The following NECTIN1 variants were observed in gnomAD, a reference collection of about 807,000 sequenced individuals.
NECTIN1 encodes nectin cell adhesion molecule 1.
In NECTIN1, 23 loss-of-function variants were observed where a neutral mutation model predicts 48.0. The ratio of observed to expected loss-of-function variants is 0.48; its 90% CI spans 0.34 to 0.68. The LOEUF is 0.68. Ranked by LOEUF, NECTIN1 falls within the 30% of genes least tolerant of loss-of-function variation. NECTIN1 has a pLI of 0.01. For missense variants in NECTIN1, 591 were observed against 709.9 expected (o/e 0.83, Z 1.90); for synonymous variants, 270 against 288.9 (o/e 0.93, Z 0.66).
At chr11:119,674,029 T>C (rs1008716662) in intron 5 of NECTIN1, among the ~76,000 whole-genome samples, 29 of 152,192 alleles carry the variant, frequency 1.9e-4, no homozygotes, top group Non-Finnish European at 4.4e-5. Context: ...CCTGGACAAC[T>C]TCACGTGGCT....
intron 1 of NECTIN1, chr11:119,713,079 A>T (rs1157897104): frequency 6.6e-6 from 1 of 152,256 alleles, no homozygotes; most frequent in Non-Finnish European, 1.5e-5. Flanking sequence ...CTGGGTGGCC[A>T]TGGGGGCCTG....
chr11:119,726,635 A>G (rs543493842), intron 1 of NECTIN1, among the ~76,000 whole-genome samples: 25 of 152,282 alleles, frequency 1.6e-4, no homozygotes, highest in East Asian at 1.4e-3. Context: ...CTAGCCCCCA[A>G]TGAAGGAATT....
intron 5 of NECTIN1, among the ~76,000 whole-genome samples, chr11:119,647,656 G>A (rs983489574): frequency 3.9e-5 from 6 of 152,054 alleles, no homozygotes; most frequent in Non-Finnish European, 5.9e-5. Context: ...AGGGGGTGGC[G>A]GGGGGAAGCA....
In NECTIN1 at chr11:119,670,380, C is replaced by G. The variant is rs138860322; in HGVS notation, c.1003+4779G>C. On this transcript the variant is annotated intron_variant, in intron 5 of 5. Transcript: ENST00000264025. ...ATGGATTTATACCAAGCACCTAGAC[C>G]GCTTGTCATGTGGTCAATGTTCAAG... 5.4e-3 allele frequency among the ~76,000 whole-genome samples: 829 copies of G among 152,308 alleles called. 9 individuals are homozygous for G. The highest frequency in any genetic ancestry group is 0.019 in the African/African-American group (774 of 41,550).
chr11:119,653,893 C>T (rs1053118048), intron 5 of NECTIN1: 5 of 152,118 alleles, frequency 3.3e-5, no homozygotes, highest in South Asian at 2.1e-4. Flanking sequence ...AGTCTACTCA[C>T]GTAGATTGAG....
rs929931695 is a variant in NECTIN1 at position 119,672,541 on chromosome 11, G to A, written c.1003+2618C>T. Among the ~76,000 whole-genome samples the A allele has an allele frequency of 1.1e-4, 17 of 152,280 alleles. No individual in the cohort carries two copies. Among genetic ancestry groups the A allele is most frequent in the African/African-American group, 3.9e-4 (16 of 41,548 alleles). ...CCCCATCGCCACAGCCACAGCCTGG[G>A]CCTGTTGTTTCCCACTAGGGACTCA... On this transcript the variant is annotated intron_variant, in intron 5 of 5. Coordinates refer to ENST00000264025, the MANE Select transcript of NECTIN1 (RefSeq NM_002855.5). This position sits in a 1 kb window ranked among gnomAD's most constrained non-coding sequence, Gnocchi z 4.3.
Position 119,665,263 on chromosome 11 carries a change from C to T in NECTIN1, c.1038G>A (p.Gly346=), listed in dbSNP as rs768499029. 2 of 1,596,692 alleles carry T rather than the reference C, an allele frequency of 1.3e-6. No homozygotes were observed. The highest frequency in any genetic ancestry group is 1.7e-5 in the Admixed American group (1 of 59,812). ...CCGTGGGCACCGGCCCGGCGCGCCG[C>T]CCATGTTCGGGAGGAGACGGGGTGT... The part of the protein sequence containing the change: ...FPYTPSPPEH[G]RRAGPVPTAI... Residue 346 remains glycine, a synonymous_variant, in exon 6 of 6, where the codon GGG becomes GGA. Coordinates refer to ENST00000264025, the MANE Select transcript of NECTIN1 (RefSeq NM_002855.5). This position sits in a 1 kb window ranked among gnomAD's most constrained non-coding sequence, Gnocchi z 5.1.
intron 1 of NECTIN1, among the ~76,000 whole-genome samples, chr11:119,726,489 A>G (rs1865908639): frequency 6.6e-6 from 1 of 152,028 alleles, no homozygotes; most frequent in South Asian, 2.1e-4. Context: ...TTTATTAAGT[A>G]CCTCTCTCAA....
chr11:119,695,494 C>G (rs1352811513), intron 1 of NECTIN1, among the ~76,000 whole-genome samples: 1 of 152,204 alleles, frequency 6.6e-6, no homozygotes, highest in Middle Eastern at 3.2e-3. Flanking sequence ...CCCGACGTCC[C>G]AGCACACAGC....
At chr11:119,720,647 G>A (rs1362591232) in intron 1 of NECTIN1, among the ~76,000 whole-genome samples, 1 of 152,356 alleles carries the variant, frequency 6.6e-6, no homozygotes, top group African/African-American at 2.4e-5. Context: ...TGTTTTTCAT[G>A]GACACCTCCT....
downstream of NECTIN1, chr11:119,659,019 ATC>A: frequency 6.6e-6 from 1 of 152,318 alleles, no homozygotes; most frequent in Middle Eastern, 3.4e-3. Context: ...CTCTTAACAG[ATC>A]TCTGTCTGGA....
intron 4 of NECTIN1, 165 bp from the exon 5 acceptor site, chr11:119,675,475 G>A (rs866227032): frequency 1.5e-6 from 1 of 676,518 alleles, no homozygotes. Context: ...CTTTCACTTG[G>A]TAGTTTTATA....
downstream of NECTIN1, among the ~76,000 whole-genome samples, chr11:119,656,819 T>A (rs1280233658): frequency 6.6e-6 from 1 of 152,226 alleles, no homozygotes; most frequent in Non-Finnish European, 1.5e-5. Context: ...ATAGGGGAAC[T>A]GCCACCTTCC....
At chr11:119,640,167 G>T (rs1391263164) in intron 5 of NECTIN1, 1 of 805,740 alleles carries the variant, frequency 1.2e-6, no homozygotes. Context: ...TCTAGGAGGG[G>T]CTCCCAGCCG....
At chr11:119,712,328 GCCTCC>G (rs1169524207) in intron 1 of NECTIN1, among the ~76,000 whole-genome samples, 2 of 147,436 alleles carry the variant, frequency 1.4e-5, no homozygotes, top group African/African-American at 4.9e-5. Flanking sequence ...TCCCAGAGAA[GCCTCC>G]CCTCCCCTCC....
In NECTIN1 at chr11:119,709,258, T is replaced by TCAGAAATAAGAGA. The variant is rs1394566608; in HGVS notation, c.79+19204_79+19216dup. On this transcript the variant is annotated intron_variant, in intron 1 of 5. Transcript: ENST00000264025. This position sits in a 1 kb window ranked among gnomAD's most constrained non-coding sequence, Gnocchi z 4.1. ...ACACCGTGAAAACAGAACTGTCTGTTCAGAAATAAGAGACCCCCTCACTCA... is the reference window on the plus strand; with the variant it reads ...ACACCGTGAAAACAGAACTGTCTGTTCAGAAATAAGAGACAGAAATAAGAGACCCCCTCACTCA... Among the ~76,000 whole-genome samples, 4 of 151,962 alleles carry TCAGAAATAAGAGA rather than the reference T, an allele frequency of 2.6e-5. No individual in the cohort carries two copies. Among genetic ancestry groups the TCAGAAATAAGAGA allele is most frequent in the African/African-American group, 9.7e-5 (4 of 41,344 alleles).
chr11:119,643,412 G>C (rs1160629895), intron 5 of NECTIN1, among the ~76,000 whole-genome samples: 3 of 152,236 alleles, frequency 2.0e-5, no homozygotes, highest in African/African-American at 7.2e-5. Context: ...GCTCAGAGAG[G>C]TTAAGTAATT....
At chr11:119,674,980 C>T (rs1324841909) in intron 5 of NECTIN1, among the ~76,000 whole-genome samples, 179 bp downstream of exon 5, 1 of 152,196 alleles carries the variant, frequency 6.6e-6, no homozygotes, top group Non-Finnish European at 1.5e-5. Context: ...GTCTCATTTG[C>T]ACCCTTTAAT....
In NECTIN1 at chr11:119,683,593, T is replaced by G. The variant is rs191554551; in HGVS notation, c.80-4828A>C. 3.0e-4 allele frequency among the ~76,000 whole-genome samples: 46 copies of G among 151,626 alleles called. 1 individual carries two copies. In the East Asian group the frequency reaches 8.7e-3, roughly 29 times the overall value. ...TCCCGGGTGTGTGTGTGTGTGTGTG[T>G]GTGTGTGTGTGTGTGTGGGCACTTG... On this transcript the variant is annotated intron_variant, in intron 1 of 5. Coordinates refer to ENST00000264025, the MANE Select transcript of NECTIN1 (RefSeq NM_002855.5). The surrounding 1 kb of genome is among the most constrained non-coding windows in gnomAD (Gnocchi z 4.0).
Sources: gnomAD v4.1 joint callset for allele counts (sites outside exome capture counted in the v4.1 genomes callset) on GRCh38, gnomAD v4.1.1 for gene constraint, Gnocchi (gnomAD v3.1) non-coding constraint, MANE v1.5 for transcripts, NCBI Gene and HGNC (gene_info 2026-07-23, HGNC 2026-07-21) for gene names.